NCOR2: variants seen among roughly 807,000 people sequenced by gnomAD.
NCOR2 encodes the protein CTG repeat protein 26.
A neutral mutation model predicts 262.9 loss-of-function variants in NCOR2; 81 were observed. The ratio of observed to expected loss-of-function variants is 0.31; its 90% CI spans 0.26 to 0.37. NCOR2 has a LOEUF of 0.37. Ranked by LOEUF, NCOR2 falls within the 10% of genes least tolerant of loss-of-function variation. The pLI is 1.00. For synonymous variants in NCOR2, 1,659 were observed against 1,559.3 expected (o/e 1.06, Z -1.51); for missense variants, 3,385 against 3,621.4 (o/e 0.93, Z 1.68).
At chr12:124,374,644 C>T (rs888042748) in intron 18 of NCOR2, among the ~76,000 whole-genome samples, 181 bp from the exon 21 acceptor site, 4 of 152,264 alleles carry the variant, frequency 2.6e-5, no homozygotes, top group Admixed American at 6.5e-5. Context: ...TCCCTCTGGG[C>T]TCTGGCCAGC....
At chr12:124,486,557 G>A (rs1283305283) in exon 2 of NCOR2, 2 of 1,577,172 alleles carry the variant, frequency 1.3e-6, no homozygotes, top group East Asian at 2.3e-5. Flanking sequence ...GGTACTCCAG[G>A]AGCCCGACGT....
chr12:124,357,302 C>A (rs975990179), intron 22 of NCOR2, among the ~76,000 whole-genome samples: 1 of 152,140 alleles, frequency 6.6e-6, no homozygotes, highest in Non-Finnish European at 1.5e-5. Flanking sequence ...CGCCCACCAC[C>A]GCACCATGCC....
intron 1 of NCOR2, among the ~76,000 whole-genome samples, chr12:124,560,078 G>C (rs1318800925): frequency 6.6e-6 from 1 of 152,168 alleles, no homozygotes; most frequent in Non-Finnish European, 1.5e-5. Context: ...GGGGTTTTAG[G>C]GCCTACCTGG....
At chr12:124,354,895 C>G in exon 25 of NCOR2, 1 of 1,612,270 alleles carries the variant, frequency 6.2e-7, no homozygotes, top group Non-Finnish European at 8.5e-7. Flanking sequence ...CCACCGGGGC[C>G]TTGGCATGCT....
chr12:124,405,297 G>A (rs1416989350), intron 13 of NCOR2, among the ~76,000 whole-genome samples: 1 of 152,236 alleles, frequency 6.6e-6, no homozygotes, highest in Non-Finnish European at 1.5e-5. Context: ...GGCACCGAGT[G>A]CAATCCTGGC....
At chr12:124,399,563 G>A (rs2041883481) in intron 15 of NCOR2, among the ~76,000 whole-genome samples, 2 of 152,158 alleles carry the variant, frequency 1.3e-5, no homozygotes, top group South Asian at 2.1e-4. Context: ...GAGAGGGAAC[G>A]TTTCCTCTCT....
chr12:124,551,711 A>T (rs1193103133), intron 1 of NCOR2, among the ~76,000 whole-genome samples: 3 of 152,188 alleles, frequency 2.0e-5, no homozygotes, highest in Admixed American at 1.3e-4. Flanking sequence ...ACCTCTCCCC[A>T]CTAAGGATCG....
At chr12:124,395,280 G>A (rs993381036) in intron 16 of NCOR2, among the ~76,000 whole-genome samples, 6 of 151,034 alleles carry the variant, frequency 4.0e-5, no homozygotes, top group Non-Finnish European at 8.9e-5. Flanking sequence ...TCTCCACCCC[G>A]ACCCCCTATG....
intron 1 of NCOR2, chr12:124,562,029 G>A (rs1436494766): frequency 1.3e-5 from 2 of 152,236 alleles, no homozygotes; most frequent in African/African-American, 4.8e-5. Context: ...AAAAAAGTTG[G>A]GGTGCAGGTG....
intron 29 of NCOR2, 48 bp downstream of exon 31, chr12:124,348,126 C>G (rs771246770): frequency 5.6e-6 from 9 of 1,602,630 alleles, no homozygotes; most frequent in Non-Finnish European, 6.8e-6. Flanking sequence ...CATCCCCCCA[C>G]CGCCCACCAG....
chr12:124,415,364 G>A (rs75903968), intron 13 of NCOR2, among the ~76,000 whole-genome samples: 2,948 of 152,336 alleles, frequency 0.019, 105 homozygotes, highest in African/African-American at 0.067. Context: ...CTCAGCTGGC[G>A]GCAGTCACTG....
At chr12:124,339,974 C>G (rs2036316812) in intron 37 of NCOR2, 32 bp downstream of exon 39, 1 of 1,603,640 alleles carries the variant, frequency 6.2e-7, no homozygotes, top group Non-Finnish European at 8.5e-7. Flanking sequence ...CATCCACCTG[C>G]CCGCCCCCTC....
chr12:124,543,175 G>C (rs939402043), intron 1 of NCOR2, among the ~76,000 whole-genome samples: 3 of 152,206 alleles, frequency 2.0e-5, no homozygotes. Flanking sequence ...AATGGGATCA[G>C]TAGGGAGGTG....
chr12:124,326,780 C>T (rs944457884), intron 45 of NCOR2, among the ~76,000 whole-genome samples: 5 of 152,160 alleles, frequency 3.3e-5, no homozygotes, highest in Non-Finnish European at 7.4e-5. Context: ...CCCCTGAGGC[C>T]AGGCCTGACC....
intron 13 of NCOR2, among the ~76,000 whole-genome samples, chr12:124,416,638 T>G (rs1201895269): frequency 8.6e-6 from 1 of 116,060 alleles, no homozygotes; most frequent in African/African-American, 3.5e-5. Flanking sequence ...GCGGCACAGA[T>G]AGACCCGTGG....
intron 6 of NCOR2, among the ~76,000 whole-genome samples, chr12:124,455,426 G>T (rs2045791852): frequency 6.6e-6 from 1 of 152,208 alleles, no homozygotes; most frequent in South Asian, 2.1e-4. Context: ...GGGGAGCCCA[G>T]CGAGGTTCCT....
chr12:124,445,905 T>C (rs1243889), intron 7 of NCOR2, among the ~76,000 whole-genome samples: 62,383 of 152,108 alleles, frequency 0.41, 13,125 homozygotes, highest in East Asian at 0.49. Flanking sequence ...GCACTGACCT[T>C]AGTGAGCACG....
intron 30 of NCOR2, 23 bp from the exon 33 acceptor site, chr12:124,346,873 C>T: frequency 2.0e-6 from 3 of 1,518,324 alleles, no homozygotes; most frequent in South Asian, 2.6e-5. Flanking sequence ...CAGCACTGAC[C>T]CTCACGCCCC....
At chr12:124,333,143 G>T in exon 42 of NCOR2, 2 of 1,608,400 alleles carry the variant, frequency 1.2e-6, no homozygotes, top group Non-Finnish European at 1.7e-6. Flanking sequence ...GGCTCCGTCT[G>T]TTCCCCATCC....
Sources: gnomAD v4.1 joint callset for allele counts (sites outside exome capture counted in the v4.1 genomes callset) on GRCh38, gnomAD v4.1.1 for gene constraint, MANE v1.5 for transcripts, NCBI Gene and HGNC (gene_info 2026-07-23, HGNC 2026-07-21) for gene names.